MYO1G: variants seen among roughly 807,000 people sequenced by gnomAD.
MYO1G encodes unconventional myosin-Ig.
Under a neutral mutation model 115.3 loss-of-function variants are expected in MYO1G, and 65 were observed. The observed-to-expected ratio is 0.56, with a 90% CI of 0.46 to 0.69. MYO1G has a LOEUF of 0.69. MYO1G is among the 30% of genes least tolerant of loss of function. The probability of loss-of-function intolerance (pLI) is 0.00; values close to 1 mark genes in which losing one functional copy is unlikely to be tolerated. For missense variants in MYO1G, 1,204 were observed against 1,393.5 expected, an observed-to-expected ratio of 0.86 and a Z score of 2.16; for synonymous variants, 510 against 552.6, an observed-to-expected ratio of 0.92 and a Z score of 1.08.
chr7:44,966,349 C>A lies in MYO1G; in HGVS notation c.1950-69G>T, dbSNP rs1794844200. ...AGATGATGGAGCCCACCCTGCCCAC[C>A]CCACACCTGGGGAGATGGCAGGGAT... is the stretch of plus-strand genomic sequence containing the variant. On this transcript the variant is annotated intron_variant, in intron 15 of 21. Coordinates refer to ENST00000258787, the MANE Select transcript of MYO1G (RefSeq NM_033054.3). This position sits in a 1 kb window ranked among gnomAD's most constrained non-coding sequence, Gnocchi z 5.0. The A allele has an allele frequency of 1.5e-6, 2 of 1,369,812 alleles. No individual in the cohort carries two copies. Among genetic ancestry groups the A allele is most frequent in the African/African-American group, 1.4e-5 (1 of 69,582 alleles). 84.9% of individuals were successfully genotyped at this position (1,369,812 alleles called of 1,614,324 possible). A position where few individuals can be genotyped will look rare whatever the true frequency, so the allele number is the denominator to read the frequency against.
At chr7:44,975,343 G>T in intron 4 of MYO1G, 116 bp from the exon 5 acceptor site, 1 of 1,493,928 alleles carries the variant, frequency 6.7e-7, no homozygotes, top group Admixed American at 1.7e-5. Flanking sequence ...TGACTATGAG[G>T]ACACTGAGGC....
Position 44,964,415 on chromosome 7 carries a change from C to G in MYO1G, c.2631G>C (p.Lys877Asn). ...GAVLFSSHVR[K>N]VNRFHKIRNR... is the part of the protein sequence containing the mutation. ...AAGCCATCCTTGTCCCTTGTCTAAC[C>G]TTGCGGACATGGCTTGAAAAGAGCA... Residue 877 changes from lysine to asparagine, a missense_variant and splice_region_variant, in exon 19 of 22, where the codon AAG (lysine) becomes AAC (asparagine). Physicochemically the swap from Lys to Asn is moderately conservative, Grantham distance 94. Transcript: ENST00000258787. The surrounding 1 kb of genome is among the most constrained non-coding windows in gnomAD (Gnocchi z 5.1). The G allele has an allele frequency of 6.2e-7, 1 of 1,612,886 alleles. No individual in the cohort carries two copies. Among genetic ancestry groups the G allele is most frequent in the Non-Finnish European group, 8.5e-7 (1 of 1,178,980 alleles).
In MYO1G at chr7:44,967,961, A is replaced by T. The variant is rs746575329; in HGVS notation, c.1575-3T>A. 6.2e-7 allele frequency: 1 copy of T among 1,613,714 alleles called. No homozygotes were observed. The highest frequency in any genetic ancestry group is 8.5e-7 in the Non-Finnish European group (1 of 1,179,944). On this transcript the variant is annotated splice_region_variant and splice_polypyrimidine_tract_variant and intron_variant, in intron 12 of 21. Coordinates refer to ENST00000258787, the MANE Select transcript of MYO1G (RefSeq NM_033054.3). ...CGATGAAGCCTTCCACGGAGTACCT[A>T]CCAGAAGCCAGGGCTGGTGAGGGAG...
rs1345709299 is a variant in MYO1G, at chr7:44,963,713, C to G, written c.2745+336G>C. On this transcript the variant is annotated intron_variant, in intron 20 of 21. Transcript: ENST00000258787. This position sits in a 1 kb window ranked among gnomAD's most constrained non-coding sequence, Gnocchi z 4.1. Reference sequence around the variant, plus strand: ...GCCGGGACGGTATCCCACAGGAGGCCCAGAACATTGTGGTGGGTACTCAGG... The same window carrying G: ...GCCGGGACGGTATCCCACAGGAGGCGCAGAACATTGTGGTGGGTACTCAGG... The G allele has an allele frequency of 1.3e-5, 4 of 296,306 alleles. No homozygotes were observed. Among genetic ancestry groups the G allele is most frequent in the African/African-American group, 1.3e-4 (4 of 30,586 alleles). 18.4% of individuals were successfully genotyped at this position (296,306 alleles called of 1,614,324 possible). A position where few individuals can be genotyped will look rare whatever the true frequency, so the allele number is the denominator to read the frequency against.
chr7:44,975,331 C>T (rs1795028763), intron 4 of MYO1G, 104 bp from the exon 5 acceptor site: 2 of 1,516,604 alleles, frequency 1.3e-6, no homozygotes, highest in East Asian at 2.3e-5. Context: ...GTCAGAGAGT[C>T]CTGACTATGA....
At position 44,970,291 on chromosome 7, in the gene MYO1G, G is replaced by A. The variant is rs1255875621; in HGVS notation, c.1218-137C>T. The A allele has an allele frequency of 5.5e-6, 4 of 729,812 alleles. No homozygotes were observed. In the Admixed American group the frequency reaches 6.7e-5, roughly 12 times the overall value. The allele number at this position is 729,812 out of a possible 1,614,324, so 45.2% of individuals were successfully genotyped here. ...CAGCACCCTGTGTGGCTTCCCTGTG[G>A]CTTATGCATCCCTGCCCTGGACTCC... On this transcript the variant is annotated intron_variant, in intron 9 of 21. Coordinates refer to ENST00000258787, the MANE Select transcript of MYO1G (RefSeq NM_033054.3).
chr7:44,971,854 GC>G, intron 6 of MYO1G, 65 bp from the exon 7 acceptor site: 1 of 1,249,132 alleles, frequency 8.0e-7, no homozygotes, highest in Non-Finnish European at 1.1e-6. Context: ...CTCCCTTGAG[GC>G]TTGATTCCTC....
intron 4 of MYO1G, 67 bp downstream of exon 4, chr7:44,975,417 C>A: frequency 6.4e-7 from 1 of 1,569,254 alleles, no homozygotes. Flanking sequence ...GGATGGGTAC[C>A]TTCCCAGGCC....
At chr7:44,977,770 C>T (rs1795084484) in intron 1 of MYO1G, among the ~76,000 whole-genome samples, 1 of 152,136 alleles carries the variant, frequency 6.6e-6, no homozygotes, top group South Asian at 2.1e-4. Context: ...TCAGACCCAT[C>T]TCCCCTTGGT....
At chr7:44,975,447 G>T in intron 4 of MYO1G, 37 bp downstream of exon 4, 1 of 1,584,256 alleles carries the variant, frequency 6.3e-7, no homozygotes, top group South Asian at 1.2e-5. Context: ...TCTCGGCCAG[G>T]GCTCCCCATG....
intron 1 of MYO1G, among the ~76,000 whole-genome samples, chr7:44,978,542 A>T (rs1795123984): frequency 6.6e-6 from 1 of 152,202 alleles, no homozygotes; most frequent in African/African-American, 2.4e-5. Flanking sequence ...CTGTCCAAGA[A>T]GTGTCATGCC....
rs374832205 is a variant in MYO1G at position 44,970,902 on chromosome 7, C to A, written c.1004G>T (p.Gly335Val). The A allele has an allele frequency of 1.9e-5, 30 of 1,613,456 alleles. No individual in the cohort carries two copies. Among genetic ancestry groups the A allele is most frequent in the African/African-American group, 2.7e-5 (2 of 74,944 alleles). The change falls in exon 8 of 22, where the codon GGC becomes GTC. Residue 335 changes from glycine to valine, a missense_variant. Physicochemically the swap from Gly to Val is moderately radical, Grantham distance 109 (BLOSUM62 -3). Transcript: ENST00000258787. ...GTGGCCCTTCTCTATGAGTTCCCTG[C>A]CTCCCGAGGCAACTGTGCGAGCCAG... ...SLLARTVASG[G>V]RELIEKGHTA...
Position 44,964,969 on chromosome 7 carries a change from G to C in MYO1G, c.2502C>G (p.Ala834=). The C allele has an allele frequency of 6.3e-7, 1 of 1,599,606 alleles. No homozygotes were observed. The highest frequency in any genetic ancestry group is 8.5e-7 in the Non-Finnish European group (1 of 1,169,968). ...CAGAGGACAGGTAGTCTCGGGCCCA[G>C]GCCCGTCGGCAGCCCCAGTCCTGAC... ...GLRQDWGCRR[A]WARDYLSSAT... The change falls in exon 18 of 22, where the codon GCC becomes GCG. Residue 834 remains alanine, a synonymous_variant. Transcript: ENST00000258787. The surrounding 1 kb of genome is among the most constrained non-coding windows in gnomAD (Gnocchi z 5.1).
chr7:44,965,193 C>G, intron 17 of MYO1G, 104 bp from the exon 18 acceptor site: 2 of 1,470,784 alleles, frequency 1.4e-6, no homozygotes, highest in Non-Finnish European at 1.8e-6. Context: ...GTGCTGCCTG[C>G]CTTTCATGTC....
chr7:44,964,658 G>C lies in MYO1G; in HGVS notation c.2527-139C>G, dbSNP rs536012961. ...AGTCACACAGACTTGTGCGTGAGCT[G>C]AGCAGCCCTGGATTTCCTGAGGGCA... On this transcript the variant is annotated intron_variant, in intron 18 of 21. Transcript: ENST00000258787. The surrounding 1 kb of genome is among the most constrained non-coding windows in gnomAD (Gnocchi z 5.1). 53 of 810,170 alleles carry C rather than the reference G, an allele frequency of 6.5e-5. No homozygotes were observed. In the African/African-American group the frequency reaches 9.0e-4, roughly 14 times the overall value. The allele number at this position is 810,170 out of a possible 1,614,324, so 50.2% of individuals were successfully genotyped here. A position where few individuals can be genotyped will look rare whatever the true frequency, so the allele number is the denominator to read the frequency against.
chr7:44,972,322 C>T, intron 5 of MYO1G, 97 bp from the exon 6 acceptor site: 1 of 896,202 alleles, frequency 1.1e-6, no homozygotes, highest in South Asian at 1.4e-5. Flanking sequence ...CGCTTCCTTC[C>T]AGTATTGAAC....
chr7:44,967,070 G>A (rs1374524015), intron 14 of MYO1G, among the ~76,000 whole-genome samples: 2 of 152,172 alleles, frequency 1.3e-5, no homozygotes, highest in South Asian at 2.1e-4. Context: ...GGAGGTGGGC[G>A]TGGCAGGGGC....
intron 1 of MYO1G, among the ~76,000 whole-genome samples, chr7:44,978,246 C>T (rs1216187142): frequency 1.3e-5 from 2 of 152,220 alleles, no homozygotes; most frequent in East Asian, 3.9e-4. Flanking sequence ...ACCTCCCGGG[C>T]TTCTCCCTGC....
chr7:44,968,452 C>T (rs1008904790), intron 12 of MYO1G: 11 of 155,230 alleles, frequency 7.1e-5, no homozygotes, highest in African/African-American at 2.7e-4. Flanking sequence ...CTAGAAAGGT[C>T]AGTGCCAAAT....
Sources: allele counts gnomAD v4.1 joint callset (sites outside exome capture counted in the v4.1 genomes callset), GRCh38; gene constraint gnomAD v4.1.1; non-coding constraint Gnocchi (gnomAD v3.1); transcripts MANE v1.5; gene names NCBI Gene and HGNC (gene_info 2026-07-23, HGNC 2026-07-21).